PTPRR: variants seen among roughly 807,000 people sequenced by gnomAD.
PTPRR encodes the protein protein tyrosine phosphatase receptor type R.
A neutral mutation model predicts 77.2 loss-of-function variants in PTPRR; 38 were observed. The observed-to-expected ratio is 0.49, with a 90% CI of 0.38 to 0.65. The LOEUF is 0.65. Among genes scored for constraint, PTPRR ranks in the 30% least tolerant of loss-of-function variants. The pLI is 0.00. For missense variants in PTPRR, 744 were observed against 799.2 expected (o/e 0.93, Z 0.83); for synonymous variants, 299 against 283.1 (o/e 1.06, Z -0.57).
chr12:70,920,208 G>T, intron 1 of PTPRR, 125 bp downstream of exon 1: 2 of 1,008,426 alleles, frequency 2.0e-6, no homozygotes, highest in Non-Finnish European at 3.0e-6. Flanking sequence ...TCCCTGTCAG[G>T]TACTGTCCTG....
At chr12:70,762,294 T>G (rs1056993358) in intron 3 of PTPRR, among the ~76,000 whole-genome samples, 3 of 149,360 alleles carry the variant, frequency 2.0e-5, no homozygotes, top group Non-Finnish European at 4.5e-5. Flanking sequence ...TACACACACA[T>G]ACACACACAC....
intron 10 of PTPRR, among the ~76,000 whole-genome samples, chr12:70,682,243 C>T (rs1592668466): frequency 6.6e-6 from 1 of 151,440 alleles, no homozygotes; most frequent in African/African-American, 2.4e-5. Context: ...CGGGGTTTCA[C>T]CGTGTTAGCC....
chr12:70,881,350 T>C (rs1179156509), intron 2 of PTPRR, among the ~76,000 whole-genome samples: 1 of 152,186 alleles, frequency 6.6e-6, no homozygotes, highest in Non-Finnish European at 1.5e-5. Context: ...TTATTCTCAG[T>C]ATTCTCTAAG....
chr12:70,677,667 A>G (rs1437157190), intron 10 of PTPRR, among the ~76,000 whole-genome samples: 1 of 152,172 alleles, frequency 6.6e-6, no homozygotes, highest in Non-Finnish European at 1.5e-5. Context: ...AAATGATGAT[A>G]TGGATTTTAT....
chr12:70,861,444 C>T (rs1437770988), intron 2 of PTPRR, among the ~76,000 whole-genome samples: 3 of 152,146 alleles, frequency 2.0e-5, no homozygotes, highest in African/African-American at 7.2e-5. Flanking sequence ...AGTTTGAGAA[C>T]TGCCTGGCAT....
At chr12:70,740,280 T>A (rs1890004463) in intron 6 of PTPRR, among the ~76,000 whole-genome samples, 1 of 151,988 alleles carries the variant, frequency 6.6e-6, no homozygotes, top group Admixed American at 6.6e-5. Flanking sequence ...AAAGAGATAA[T>A]CAATAATGAG....
chr12:70,759,843 CA>C (rs1890652786), intron 4 of PTPRR, among the ~76,000 whole-genome samples: 1 of 152,010 alleles, frequency 6.6e-6, no homozygotes, highest in Admixed American at 6.6e-5. Context: ...TTATAAAGCC[CA>C]GCATACAAAG....
At position 70,764,666 on chromosome 12, in the gene PTPRR, A is replaced by G. The variant is rs369870290; in HGVS notation, c.470T>C (p.Ile157Thr). 21 of 1,609,082 alleles carry G rather than the reference A, an allele frequency of 1.3e-5. No individual in the cohort carries two copies. The highest frequency in any genetic ancestry group is 2.7e-5 in the African/African-American group (2 of 74,814). Residue 157 changes from isoleucine to threonine, a missense_variant and splice_region_variant, in exon 3 of 14, where the codon ATT (isoleucine) becomes ACT (threonine). This residue lies in a region of PTPRR where 570 missense variants were observed against 573.2 expected (regional missense o/e 0.99). Transcript: ENST00000283228. Reference protein sequence around the residue: ...LPQQVHINRLIGKKNSIELFV... With the variant: ...LPQQVHINRLTGKKNSIELFV... ...AAATGCGAAATGTGGGTATCTTACA[A>G]TGAGGCGATTGATGTGCACTTGCTG...
intron 2 of PTPRR, among the ~76,000 whole-genome samples, chr12:70,767,903 C>T (rs1216206183): frequency 6.6e-6 from 1 of 152,124 alleles, no homozygotes; most frequent in African/African-American, 2.4e-5. Context: ...ACAACCTGCT[C>T]CTGAATGACT....
intron 2 of PTPRR, among the ~76,000 whole-genome samples, chr12:70,771,663 A>G (rs1343930864): frequency 6.6e-6 from 1 of 152,210 alleles, no homozygotes; most frequent in Non-Finnish European, 1.5e-5. Context: ...TGTGCCTTGA[A>G]TAATTTTGCT....
chr12:70,838,928 A>C (rs1361343694), intron 2 of PTPRR, among the ~76,000 whole-genome samples: 2 of 152,138 alleles, frequency 1.3e-5, no homozygotes, highest in African/African-American at 4.8e-5. Flanking sequence ...TCCACTGAAC[A>C]TATGGACACA....
intron 10 of PTPRR, among the ~76,000 whole-genome samples, chr12:70,664,077 T>C (rs1886891570): frequency 6.6e-6 from 1 of 152,144 alleles, no homozygotes; most frequent in Non-Finnish European, 1.5e-5. Flanking sequence ...ATCAGTTTCT[T>C]TCATCCATTA....
intron 2 of PTPRR, among the ~76,000 whole-genome samples, chr12:70,819,485 C>A (rs1290949099): frequency 6.6e-6 from 1 of 152,148 alleles, no homozygotes; most frequent in Non-Finnish European, 1.5e-5. Flanking sequence ...TGGAAGATTC[C>A]ATCTGCTCAA....
At chr12:70,786,820 A>C (rs1565696944) in intron 2 of PTPRR, among the ~76,000 whole-genome samples, 1 of 152,190 alleles carries the variant, frequency 6.6e-6, no homozygotes, top group East Asian at 1.9e-4. Flanking sequence ...TGGTTTTAAC[A>C]TGCAAATAAA....
chr12:70,644,356 A>G (rs1318744154), intron 13 of PTPRR, among the ~76,000 whole-genome samples: 1 of 152,212 alleles, frequency 6.6e-6, no homozygotes, highest in African/African-American at 2.4e-5. Flanking sequence ...GTCAAATAAA[A>G]ATGTCAAGAG....
chr12:70,887,187 T>G (rs960228701), intron 2 of PTPRR, among the ~76,000 whole-genome samples: 4 of 152,064 alleles, frequency 2.6e-5, no homozygotes, highest in African/African-American at 4.8e-5. Flanking sequence ...CAGTGGCTCA[T>G]GCCTGTAATC....
At chr12:70,813,087 CTT>C (rs1891838765) in intron 2 of PTPRR, among the ~76,000 whole-genome samples, 2 of 152,204 alleles carry the variant, frequency 1.3e-5, no homozygotes, top group African/African-American at 2.4e-5. Context: ...CAAACTCTCT[CTT>C]GTATAATATG....
chr12:70,841,405 C>A (rs1187855011), intron 2 of PTPRR, among the ~76,000 whole-genome samples: 1 of 151,988 alleles, frequency 6.6e-6, no homozygotes, highest in Non-Finnish European at 1.5e-5. Context: ...GCATTACAGA[C>A]CGGAAATCCT....
intron 2 of PTPRR, among the ~76,000 whole-genome samples, chr12:70,771,414 G>A (rs1890974196): frequency 6.6e-6 from 1 of 152,154 alleles, no homozygotes; most frequent in Admixed American, 6.5e-5. Context: ...AGGGAGGGAA[G>A]GGGGTGAGGG....
Sources: gnomAD v4.1 joint callset for allele counts (sites outside exome capture counted in the v4.1 genomes callset) on GRCh38, gnomAD v4.1.1 for gene constraint, gnomAD v4.1.1 regional missense constraint, MANE v1.5 for transcripts, NCBI Gene and HGNC (gene_info 2026-07-23, HGNC 2026-07-21) for gene names.